The following KCNIP4 variants were observed in gnomAD, a reference collection of about 807,000 sequenced individuals.
The protein encoded by KCNIP4 is Kv channel-interacting protein 4.
A neutral mutation model predicts 34.0 loss-of-function variants in KCNIP4; 12 were observed. The ratio of observed to expected loss-of-function variants is 0.35; its 90% CI spans 0.23 to 0.57. The LOEUF is 0.57. Among genes scored for constraint, KCNIP4 ranks in the 20% least tolerant of loss-of-function variants. KCNIP4 has a pLI of 0.83. For missense variants in KCNIP4, 238 were observed against 311.7 expected (o/e 0.76, Z 1.78); for synonymous variants, 124 against 102.2 (o/e 1.21, Z -1.29).
intron 1 of KCNIP4, among the ~76,000 whole-genome samples, chr4:21,798,943 G>A (rs12643656): frequency 0.4 from 59,870 of 151,530 alleles, 13,074 homozygotes; most frequent in Non-Finnish European, 0.51. Flanking sequence ...CCAATCTTTG[G>A]CTACATTATC....
At chr4:21,831,663 C>CAAAAAAAAAAAAAA (rs141374886) in intron 1 of KCNIP4, among the ~76,000 whole-genome samples, 1 of 73,232 alleles carries the variant, frequency 1.4e-5, no homozygotes, top group African/African-American at 5.8e-5. Flanking sequence ...CATTTTTCAT[C>CAAAAAAAAAAAAAA]AAAAAAAAAA....
intron 1 of KCNIP4, among the ~76,000 whole-genome samples, chr4:20,894,442 T>C (rs1244375860): frequency 6.6e-6 from 1 of 152,228 alleles, no homozygotes; most frequent in Non-Finnish European, 1.5e-5. Context: ...GCTACTCTGT[T>C]CATTTTATGA....
At chr4:21,110,336 T>C (rs192113860) in intron 1 of KCNIP4, among the ~76,000 whole-genome samples, 178 of 152,278 alleles carry the variant, frequency 1.2e-3, no homozygotes, top group African/African-American at 4.2e-3. Flanking sequence ...AACAGACACA[T>C]ATAAATGAAG....
intron 3 of KCNIP4, among the ~76,000 whole-genome samples, chr4:20,813,410 G>A (rs1716009790): frequency 6.6e-6 from 1 of 152,148 alleles, no homozygotes; most frequent in African/African-American, 2.4e-5. Flanking sequence ...AGATTTAAAT[G>A]TTTTATGAAG....
intron 1 of KCNIP4, among the ~76,000 whole-genome samples, chr4:21,653,933 G>A (rs2840111): frequency 0.3 from 45,817 of 152,012 alleles, 8,635 homozygotes; most frequent in East Asian, 0.9. Context: ...ACCTGAATAG[G>A]TTGAAGAAGT....
chr4:21,264,511 T>C (rs1053324682), intron 1 of KCNIP4, among the ~76,000 whole-genome samples: 15 of 152,170 alleles, frequency 9.9e-5, no homozygotes, highest in Non-Finnish European at 2.1e-4. Flanking sequence ...TCTTCCTTAC[T>C]GGCTGTGTTA....
At chr4:21,915,716 T>C (rs1728591127) in intron 1 of KCNIP4, among the ~76,000 whole-genome samples, 1 of 152,248 alleles carries the variant, frequency 6.6e-6, no homozygotes, top group African/African-American at 2.4e-5. Context: ...TGAAATGTGC[T>C]GGAGATTCAA....
Position 21,624,831 on chromosome 4 carries a change from T to C in KCNIP4, c.61+323740A>G, listed in dbSNP as rs565569843. ...TTTCACTTAGCTTCTCCCCCACTTATTATGCTCTTACAGGTTTTGAAAGAC... is the reference window on the plus strand; with the variant it reads ...TTTCACTTAGCTTCTCCCCCACTTACTATGCTCTTACAGGTTTTGAAAGAC... On this transcript the variant is annotated intron_variant, in intron 1 of 8. Coordinates refer to ENST00000382152, the MANE Select transcript of KCNIP4 (RefSeq NM_025221.6). 2.6e-5 allele frequency among the ~76,000 whole-genome samples: 4 copies of C among 152,286 alleles called. No individual in the cohort carries two copies. The South Asian group carries it at 6.2e-4, about 24-fold the overall frequency.
rs148603474 is a variant in KCNIP4 at position 21,545,434 on chromosome 4, G to A, written c.61+403137C>T. ...AAGTTCTGGGTTACATGTGCAGAAC[G>A]TGCAGTTTTATTACATGGCTATACA... On this transcript the variant is annotated intron_variant, in intron 1 of 8. Coordinates refer to ENST00000382152, the MANE Select transcript of KCNIP4 (RefSeq NM_025221.6). 3.1e-3 allele frequency among the ~76,000 whole-genome samples: 475 copies of A among 152,088 alleles called. 6 individuals carry two copies. The highest frequency in any genetic ancestry group is 0.011 in the African/African-American group (446 of 41,504).
intron 1 of KCNIP4, among the ~76,000 whole-genome samples, chr4:21,426,369 A>T (rs1725931590): frequency 6.6e-6 from 1 of 152,220 alleles, no homozygotes; most frequent in Non-Finnish European, 1.5e-5. Flanking sequence ...AAATAATTGA[A>T]TCGTATACTT....
chr4:21,540,020 A>T (rs1503987), intron 1 of KCNIP4, among the ~76,000 whole-genome samples: 1 of 150,618 alleles, frequency 6.6e-6, no homozygotes, highest in East Asian at 2.0e-4. Flanking sequence ...AAAAAGAATT[A>T]TTTTGTGCTT....
At chr4:20,764,412 T>C (rs1414794581) in intron 3 of KCNIP4, among the ~76,000 whole-genome samples, 3 of 152,092 alleles carry the variant, frequency 2.0e-5, no homozygotes, top group Non-Finnish European at 4.4e-5. Context: ...TGTTGCATAT[T>C]GAGGCGATTT....
chr4:21,199,586 G>A (rs1756318528), intron 1 of KCNIP4, among the ~76,000 whole-genome samples: 1 of 152,112 alleles, frequency 6.6e-6, no homozygotes, highest in Non-Finnish European at 1.5e-5. Context: ...GATCCCATTT[G>A]TCAATTTTGG....
At chr4:21,235,692 A>G (rs986463407) in intron 1 of KCNIP4, among the ~76,000 whole-genome samples, 1 of 152,178 alleles carries the variant, frequency 6.6e-6, no homozygotes, top group African/African-American at 2.4e-5. Flanking sequence ...CTCCCCTACT[A>G]GGATGTAACT....
At chr4:21,751,828 A>C (rs1458394546) in intron 1 of KCNIP4, among the ~76,000 whole-genome samples, 1 of 152,184 alleles carries the variant, frequency 6.6e-6, no homozygotes, top group Non-Finnish European at 1.5e-5. Context: ...TGAGTATTAA[A>C]ACAACATCTG....
At chr4:21,449,738 G>GT (rs1446373004) in intron 1 of KCNIP4, among the ~76,000 whole-genome samples, 1 of 151,408 alleles carries the variant, frequency 6.6e-6, no homozygotes, top group African/African-American at 2.4e-5. Context: ...TTATCTTTTT[G>GT]TTTTTTCACT....
intron 2 of KCNIP4, among the ~76,000 whole-genome samples, chr4:20,864,156 A>G (rs535068619): frequency 1.6e-5 from 2 of 121,864 alleles, no homozygotes; most frequent in South Asian, 3.0e-4. Context: ...CCATGTATGC[A>G]TACACATGTA....
intron 1 of KCNIP4, among the ~76,000 whole-genome samples, chr4:21,932,075 A>C (rs768705001): frequency 6.6e-6 from 1 of 152,128 alleles, no homozygotes; most frequent in Non-Finnish European, 1.5e-5. Context: ...AACAGAAAAA[A>C]ACACAGACAA....
At chr4:21,742,318 C>T (rs1191445842) in intron 1 of KCNIP4, among the ~76,000 whole-genome samples, 2 of 152,232 alleles carry the variant, frequency 1.3e-5, no homozygotes, top group Non-Finnish European at 1.5e-5. Flanking sequence ...ATAGTCTGGG[C>T]TTATTGTCCC....
Sources: allele counts gnomAD v4.1 joint callset (sites outside exome capture counted in the v4.1 genomes callset), GRCh38; gene constraint gnomAD v4.1.1; transcripts MANE v1.5; gene names NCBI Gene and HGNC (gene_info 2026-07-23, HGNC 2026-07-21).